Variants in ATG2B observed in about 807,000 individuals in gnomAD.
ATG2B encodes the protein autophagy-related protein 2 homolog B.
A neutral mutation model predicts 241.3 loss-of-function variants in ATG2B; 121 were observed. That is an observed-to-expected ratio of 0.50 (90% CI 0.43 to 0.58). The LOEUF (loss-of-function observed/expected upper bound fraction) is 0.58, where lower values mean the gene tolerates loss of function less well. Ranked by LOEUF, ATG2B falls within the 20% of genes least tolerant of loss-of-function variation. ATG2B has a pLI of 0.00. For missense variants in ATG2B, 2,306 were observed against 2,491.6 expected (o/e 0.93, Z 1.59); for synonymous variants, 858 against 876.6 (o/e 0.98, Z 0.37).
intron 6 of ATG2B, among the ~76,000 whole-genome samples, chr14:96,340,624 G>C (rs1888007649): frequency 6.6e-6 from 1 of 152,050 alleles, no homozygotes; most frequent in Admixed American, 6.6e-5. Context: ...CTTAAAAATA[G>C]TAAAGGGTCC....
chr14:96,327,870 T>C (rs1887624593), intron 14 of ATG2B, among the ~76,000 whole-genome samples: 1 of 152,218 alleles, frequency 6.6e-6, no homozygotes. Flanking sequence ...TCACCCAAGC[T>C]GAAGTGCAGT....
At chr14:96,324,309 T>C (rs1009275128) in intron 15 of ATG2B, 1 of 232,334 alleles carries the variant, frequency 4.3e-6, no homozygotes. Context: ...ATAAAGTCTA[T>C]ATAATCTACC....
At chr14:96,319,360 C>T (rs913956205) in intron 18 of ATG2B, among the ~76,000 whole-genome samples, 4 of 152,172 alleles carry the variant, frequency 2.6e-5, no homozygotes, top group African/African-American at 9.7e-5. Flanking sequence ...CACCATGACT[C>T]TGTGTCTATG....
At chr14:96,342,717 CAAAAA>C (rs11290481) in intron 5 of ATG2B, among the ~76,000 whole-genome samples, 1 of 103,066 alleles carries the variant, frequency 9.7e-6, no homozygotes. Context: ...AGACTCTCTC[CAAAAA>C]AAAAAAAAAA....
At chr14:96,346,677 C>G (rs1888177861) in intron 2 of ATG2B, among the ~76,000 whole-genome samples, 1 of 152,156 alleles carries the variant, frequency 6.6e-6, no homozygotes, top group Non-Finnish European at 1.5e-5. Context: ...TAAAGAAGAG[C>G]ATTCCTTCTC....
At chr14:96,303,280 C>G in intron 32 of ATG2B, 25 bp from the exon 33 acceptor site, 1 of 1,475,284 alleles carries the variant, frequency 6.8e-7, no homozygotes, top group Non-Finnish European at 9.1e-7. Context: ...AGGAAGAACG[C>G]GGAACAGTTC....
chr14:96,339,900 GACA>G (rs1171488214), intron 6 of ATG2B, among the ~76,000 whole-genome samples: 1 of 150,806 alleles, frequency 6.6e-6, no homozygotes, highest in African/African-American at 2.4e-5. Flanking sequence ...AAAACAAAGG[GACA>G]ACAACAAAAA....
At chr14:96,355,184 T>A (rs932938012) in intron 1 of ATG2B, among the ~76,000 whole-genome samples, 2 of 152,204 alleles carry the variant, frequency 1.3e-5, no homozygotes, top group African/African-American at 2.4e-5. Flanking sequence ...AATTGCTTTT[T>A]GCTTCTTCAT....
At position 96,341,612 on chromosome 14, in the gene ATG2B, T is replaced by C. The variant is rs755389149; in HGVS notation, c.834A>G (p.Ala278=). Residue 278 remains alanine (A), a synonymous_variant, in exon 6 of 42, where the codon GCA becomes GCG. Coordinates refer to ENST00000359933, the MANE Select transcript of ATG2B (RefSeq NM_018036.7). ...PQLTRNLPEI[A]PSDPVQIGRL... ...GTCCAATCTGCACTGGGTCAGAAGG[T>C]GCTATCTCTGGTAAATTTCTAGTTA... is the stretch of plus-strand genomic sequence containing the variant. 1 of 1,604,572 alleles carries C rather than the reference T, an allele frequency of 6.2e-7. No individual in the cohort carries two copies. The highest frequency in any genetic ancestry group is 8.5e-7 in the Non-Finnish European group (1 of 1,174,240).
chr14:96,317,381 C>A, intron 19 of ATG2B, 64 bp from the exon 20 acceptor site: 1 of 1,402,638 alleles, frequency 7.1e-7, no homozygotes, highest in East Asian at 2.3e-5. Context: ...TAAAAATGAT[C>A]ATGAAAATAT....
chr14:96,308,275 TATATA>T (rs1887050703), intron 29 of ATG2B, among the ~76,000 whole-genome samples: 1 of 38,616 alleles, frequency 2.6e-5, no homozygotes, highest in African/African-American at 1.1e-4. Context: ...TATATATATA[TATATA>T]TATTTTTTTT....
intron 34 of ATG2B, among the ~76,000 whole-genome samples, chr14:96,298,783 C>T (rs781626717): frequency 2.2e-4 from 33 of 152,272 alleles, no homozygotes; most frequent in South Asian, 1.2e-3. Context: ...ACATGAGTGA[C>T]GTCTTCACGG....
At chr14:96,334,921 T>A (rs1887830586) in intron 6 of ATG2B, among the ~76,000 whole-genome samples, 1 of 152,182 alleles carries the variant, frequency 6.6e-6, no homozygotes, top group Non-Finnish European at 1.5e-5. Context: ...CTTTCTTAAG[T>A]ACACTACCAA....
chr14:96,309,586 G>A lies in ATG2B; in HGVS notation c.4170C>T (p.Ser1390=), dbSNP rs1263220154. 1 of 1,610,354 alleles carries A rather than the reference G, an allele frequency of 6.2e-7. No homozygotes were observed. The highest frequency in any genetic ancestry group is 8.5e-7 in the Non-Finnish European group (1 of 1,178,246). ...GAFQRRSKVD[S]SGRSSSRGPV... is the part of the protein sequence containing the mutation. ...GACCACGTGAGGATGATCGACCACT[G>A]GAATCTACCTATAGCCAAAAAACCT... The change falls in exon 29 of 42, where the codon TCC becomes TCT. Residue 1390 remains serine, a synonymous_variant. Coordinates refer to ENST00000359933, the MANE Select transcript of ATG2B (RefSeq NM_018036.7).
At position 96,331,459 on chromosome 14, in the gene ATG2B, C is replaced by A. The variant is rs571790872; in HGVS notation, c.1647G>T (p.Lys549Asn). The A allele has an allele frequency of 6.2e-7, 1 of 1,614,060 alleles. No individual in the cohort carries two copies. Among genetic ancestry groups the A allele is most frequent in the South Asian group, 1.1e-5 (1 of 91,070 alleles). ...MAVAFFTCIE[K>N]IDPARFSTED... ...CTGTTGAAAATCTTGCTGGATCAAT[C>A]TTTTCTATACAAGTAAAGAAAGCTA... Residue 549 changes from lysine (K) to asparagine (N), a missense_variant, in exon 11 of 42, where the codon AAG (lysine) becomes AAT (asparagine). Physicochemically the swap from Lys to Asn is moderately conservative, Grantham distance 94 (BLOSUM62 0). Around this residue, in one of 2 missense-constraint regions of ATG2B, gnomAD observed 1,927 missense variants for 2,011.2 expected, o/e 0.96. Transcript: ENST00000359933.
chr14:96,317,107 A>T, intron 20 of ATG2B, 38 bp downstream of exon 20: 2 of 1,527,436 alleles, frequency 1.3e-6, no homozygotes, highest in South Asian at 2.4e-5. Flanking sequence ...TTAAAGTAAG[A>T]TACATTTGAA....
In ATG2B at chr14:96,348,818, C is replaced by A. The variant is rs372517507; in HGVS notation, c.163-1477G>T. 5.9e-5 allele frequency among the ~76,000 whole-genome samples: 9 copies of A among 152,232 alleles called. No homozygotes were observed. In the South Asian group the frequency reaches 1.9e-3, roughly 32 times the overall value. On this transcript the variant is annotated intron_variant, in intron 1 of 41. Transcript: ENST00000359933. ...ATAAATGCTTGAGGTGATGCATACC[C>A]CTTTTACCCTGATGTAATTATTAGG...
chr14:96,314,514 C>T (rs1887250871), intron 23 of ATG2B, among the ~76,000 whole-genome samples: 1 of 152,214 alleles, frequency 6.6e-6, no homozygotes, highest in African/African-American at 2.4e-5. Flanking sequence ...CAATTCAACA[C>T]ACCATTCACT....
intron 31 of ATG2B, 22 bp from the exon 32 acceptor site, chr14:96,304,625 A>AT (rs765925665): frequency 1.3e-6 from 2 of 1,544,072 alleles, no homozygotes; most frequent in Non-Finnish European, 1.8e-6. Context: ...CAAAAAAAAA[A>AT]AAAACCCTTT....
Sources: gnomAD v4.1 joint callset for allele counts (sites outside exome capture counted in the v4.1 genomes callset) on GRCh38, gnomAD v4.1.1 for gene constraint, gnomAD v4.1.1 regional missense constraint, MANE v1.5 for transcripts, NCBI Gene and HGNC (gene_info 2026-07-23, HGNC 2026-07-21) for gene names.